The following TENM1 variants were observed in gnomAD, a reference collection of about 807,000 sequenced individuals.
TENM1 encodes teneurin transmembrane protein 1.
A neutral mutation model predicts 174.8 loss-of-function variants in TENM1; 35 were observed. The observed-to-expected ratio is 0.20, with a 90% confidence interval of 0.15 to 0.27. The LOEUF is 0.27. Among genes scored for constraint, TENM1 ranks in the 10% least tolerant of loss-of-function variants. The probability of loss-of-function intolerance (pLI) is 1.00; values close to 1 mark genes in which losing one functional copy is unlikely to be tolerated. For synonymous variants in TENM1, 781 were observed against 798.7 expected (o/e 0.98, Z 0.37); for missense variants, 1,633 against 2,130.1 (o/e 0.77, Z 4.59).
At chrX:124,591,288 G>C (rs950070947) in intron 11 of TENM1, among the ~76,000 whole-genome samples, 1 of 111,476 alleles carries the variant, frequency 9.0e-6, no homozygotes, top group Non-Finnish European at 1.9e-5. Flanking sequence ...TTAACTGGTT[G>C]CTTTGTAGTT....
At chrX:125,144,498 T>G in the TENM1 span, among the ~76,000 whole-genome samples, 4 of 111,584 alleles carry the variant, frequency 3.6e-5, no homozygotes, top group African/African-American at 1.3e-4. Flanking sequence ...ATGGCTCTTT[T>G]GTTCAGCTAC....
chrX:124,907,446 G>A (rs888246493), intron 1 of TENM1, among the ~76,000 whole-genome samples: 2 of 112,018 alleles, frequency 1.8e-5, no homozygotes, highest in Non-Finnish European at 3.8e-5. Context: ...AAAGTACCAT[G>A]ACAGATTAGG....
At chrX:124,851,768 T>C (rs2056723738) in intron 3 of TENM1, among the ~76,000 whole-genome samples, 2 of 111,498 alleles carry the variant, frequency 1.8e-5, no homozygotes, top group Admixed American at 1.9e-4. Flanking sequence ...ATATCATACC[T>C]TGCACTATTT....
intron 3 of TENM1, among the ~76,000 whole-genome samples, chrX:124,879,849 T>A (rs1245492948): frequency 8.9e-6 from 1 of 111,810 alleles, no homozygotes; most frequent in Non-Finnish European, 1.9e-5. Context: ...TTGATTTGTA[T>A]CTACCTGATG....
chrX:124,396,675 C>G (rs1056766480), intron 27 of TENM1, among the ~76,000 whole-genome samples: 2 of 111,134 alleles, frequency 1.8e-5, no homozygotes, highest in Non-Finnish European at 3.8e-5. Flanking sequence ...CTGAACACTA[C>G]CTACTACTGG....
intron 1 of TENM1, among the ~76,000 whole-genome samples, chrX:124,933,151 T>G (rs1007851902): frequency 8.9e-6 from 1 of 112,233 alleles, no homozygotes; most frequent in Non-Finnish European, 1.9e-5. Flanking sequence ...AAAATTAACC[T>G]CTGCTTTTCA....
chrX:124,512,943 G>A (rs926848309), intron 18 of TENM1, among the ~76,000 whole-genome samples: 2 of 111,999 alleles, frequency 1.8e-5, no homozygotes. Context: ...AACTGGCATG[G>A]GAGGAGAAAG....
At chrX:125,042,782 G>C in the TENM1 span, among the ~76,000 whole-genome samples, 141 of 111,280 alleles carry the variant, frequency 1.3e-3, no homozygotes, top group African/African-American at 4.6e-3. Context: ...AAGAAGTAGA[G>C]AATATTATTA....
the TENM1 span, among the ~76,000 whole-genome samples, chrX:125,113,230 T>C: frequency 1.8e-5 from 2 of 111,167 alleles, no homozygotes; most frequent in East Asian, 5.6e-4. Flanking sequence ...AGATAAAAAA[T>C]TGTCTCAAAA....
chrX:124,798,930 A>C (rs992647078), intron 3 of TENM1, among the ~76,000 whole-genome samples: 2 of 111,952 alleles, frequency 1.8e-5, no homozygotes, highest in Non-Finnish European at 3.8e-5. Context: ...TCCCAACACC[A>C]TTTATTAAAT....
chrX:124,446,160 G>A (rs2060963088), intron 23 of TENM1, among the ~76,000 whole-genome samples: 1 of 112,226 alleles, frequency 8.9e-6, no homozygotes, highest in African/African-American at 3.2e-5. Flanking sequence ...TCAACCAAGC[G>A]GCATTTGTCA....
the TENM1 span, among the ~76,000 whole-genome samples, chrX:125,181,114 T>G: frequency 1.7e-4 from 19 of 112,198 alleles, no homozygotes; most frequent in African/African-American, 6.2e-4. Flanking sequence ...TACACTATGT[T>G]ATATGCCAGG....
intron 5 of TENM1, among the ~76,000 whole-genome samples, chrX:124,689,338 C>T (rs994564564): frequency 1.1e-4 from 12 of 111,720 alleles, no homozygotes; most frequent in South Asian, 3.7e-4. Flanking sequence ...TGGTATTCAG[C>T]GTATTGTATA....
the TENM1 span, among the ~76,000 whole-genome samples, chrX:125,094,415 T>G: frequency 8.9e-6 from 1 of 112,669 alleles, no homozygotes; most frequent in Non-Finnish European, 1.9e-5. Flanking sequence ...TCAAATTAGC[T>G]GCCTTTGATA....
intron 4 of TENM1, among the ~76,000 whole-genome samples, chrX:124,726,158 A>T (rs1363749367): frequency 1.8e-5 from 2 of 112,814 alleles, no homozygotes; most frequent in Non-Finnish European, 3.8e-5. Flanking sequence ...TGCATTGCCA[A>T]GTAAATCTTC....
At chrX:124,454,414 T>TC (rs954868110) in intron 22 of TENM1, among the ~76,000 whole-genome samples, 1 of 109,171 alleles carries the variant, frequency 9.2e-6, no homozygotes, top group Non-Finnish European at 1.9e-5. Context: ...TGTTTTTTTT[T>TC]TTTGTTTTTG....
chrX:124,747,081 G>C lies in TENM1; in HGVS notation c.536-9884C>G, dbSNP rs1286383870. On this transcript the variant is annotated intron_variant, in intron 3 of 31. Transcript: ENST00000422452. ...GCAGGAGAATCGCTTGAACCTAGGA[G>C]GCAGAGGTTGCAGACAGCTGAGATC... Among the ~76,000 whole-genome samples, 7 of 109,532 alleles carry C rather than the reference G, an allele frequency of 6.4e-5. 1 individual carries two copies. The highest frequency in any genetic ancestry group is 2.3e-4 in the African/African-American group (7 of 30,026).
At chrX:124,619,754 G>A (rs1270551599) in intron 11 of TENM1, among the ~76,000 whole-genome samples, 2 of 111,694 alleles carry the variant, frequency 1.8e-5, no homozygotes, top group Non-Finnish European at 1.9e-5. Context: ...TTATTTCCCC[G>A]ATAACTAGTG....
intron 3 of TENM1, among the ~76,000 whole-genome samples, chrX:124,870,198 A>G (rs1480919534): frequency 8.9e-6 from 1 of 112,099 alleles, no homozygotes. Context: ...GTAAAGACAT[A>G]GACATAAATC....
Sources: allele counts gnomAD v4.1 joint callset (sites outside exome capture counted in the v4.1 genomes callset), GRCh38; gene constraint gnomAD v4.1.1; transcripts MANE v1.5; gene names NCBI Gene and HGNC (gene_info 2026-07-23, HGNC 2026-07-21).